The following NEXMIF variants were observed in gnomAD, a reference collection of about 807,000 sequenced individuals.
NEXMIF encodes the protein neurite extension and migration factor.
Under a neutral mutation model 62.1 loss-of-function variants are expected in NEXMIF, and 8 were observed. The ratio of observed to expected loss-of-function variants is 0.13; its 90% CI spans 0.08 to 0.23. NEXMIF has a LOEUF of 0.23. NEXMIF is among the 10% of genes least tolerant of loss of function. The probability of loss-of-function intolerance (pLI) is 1.00; values close to 1 mark genes in which losing one functional copy is unlikely to be tolerated. For missense variants in NEXMIF, 976 were observed against 1,113.3 expected (o/e 0.88, Z 1.75); for synonymous variants, 404 against 416.6 (o/e 0.97, Z 0.37).
chrX:74,796,156 TATATA>T (rs1157199759), intron 1 of NEXMIF, among the ~76,000 whole-genome samples: 2 of 54,870 alleles, frequency 3.6e-5, no homozygotes, highest in African/African-American at 1.2e-4. Flanking sequence ...TATATATACA[TATATA>T]TTATATATAT....
chrX:74,921,292 C>T (rs1030014339), intron 1 of NEXMIF, among the ~76,000 whole-genome samples: 1 of 111,030 alleles, frequency 9.0e-6, no homozygotes, highest in African/African-American at 3.3e-5. Flanking sequence ...CCATAAAAGA[C>T]TCTATCATCA....
intron 1 of NEXMIF, among the ~76,000 whole-genome samples, chrX:74,861,413 A>G (rs962856562): frequency 8.9e-5 from 10 of 112,029 alleles, no homozygotes; most frequent in African/African-American, 3.2e-4. Flanking sequence ...AATAAGTTGG[A>G]AAACATACTA....
chrX:74,798,669 C>A (rs754144650), intron 1 of NEXMIF, among the ~76,000 whole-genome samples: 9 of 111,860 alleles, frequency 8.0e-5, no homozygotes, highest in African/African-American at 2.6e-4. Context: ...AGAGTATAGG[C>A]CTTTTATTTT....
In NEXMIF at chrX:74,792,989, T is replaced by G. The variant is rs1392426164; in HGVS notation, c.-47-47292A>C. ...AGTCCATTTACGTTTAAAGTTAATA[T>G]TGTTATGTGTGAATTTGATCCTGTC... On this transcript the variant is annotated intron_variant, in intron 1 of 3. Transcript: ENST00000055682. Among the ~76,000 whole-genome samples the G allele has an allele frequency of 4.2e-3, 455 of 108,215 alleles. 1 individual carries two copies. The highest frequency in any genetic ancestry group is 0.015 in the African/African-American group (440 of 29,614). 94.0% of individuals were successfully genotyped at this position (108,215 alleles called of 115,157 possible).
At chrX:74,902,481 C>CA (rs1279521013) in intron 1 of NEXMIF, among the ~76,000 whole-genome samples, 1 of 110,396 alleles carries the variant, frequency 9.1e-6, no homozygotes, top group Non-Finnish European at 1.9e-5. Context: ...TTGGGTCTTA[C>CA]AAAAAAAGGT....
chrX:74,767,659 C>T (rs749407568), intron 1 of NEXMIF, among the ~76,000 whole-genome samples: 6 of 111,439 alleles, frequency 5.4e-5, no homozygotes, highest in Non-Finnish European at 1.1e-4. Flanking sequence ...TGGAAAACCC[C>T]GGCAAGTGTG....
At chrX:74,775,910 C>G (rs575429089) in intron 1 of NEXMIF, among the ~76,000 whole-genome samples, 2 of 111,911 alleles carry the variant, frequency 1.8e-5, no homozygotes, top group South Asian at 7.6e-4. Context: ...GATCTCCAAA[C>G]ATTTAATTGC....
chrX:74,916,773 T>C (rs1283565518), intron 1 of NEXMIF, among the ~76,000 whole-genome samples: 1 of 111,892 alleles, frequency 8.9e-6, no homozygotes, highest in Admixed American at 9.5e-5. Context: ...GGGTAGAACA[T>C]AGAAACAATA....
intron 1 of NEXMIF, among the ~76,000 whole-genome samples, chrX:74,910,515 G>C (rs774029412): frequency 8.9e-6 from 1 of 111,897 alleles, no homozygotes; most frequent in African/African-American, 3.2e-5. Flanking sequence ...GAAGGGACTT[G>C]CCTTGTCTTA....
rs180882053 is a variant in NEXMIF, at chrX:74,778,187, G to A, written c.-47-32490C>T. ...TAAAACCTCACCCCAAAGTGAACATGAAATGCATGCTACATACATGTTTAC... is the reference window on the plus strand; with the variant it reads ...TAAAACCTCACCCCAAAGTGAACATAAAATGCATGCTACATACATGTTTAC... On this transcript the variant is annotated intron_variant, in intron 1 of 3. Transcript: ENST00000055682. 7.4e-3 allele frequency among the ~76,000 whole-genome samples: 824 copies of A among 111,838 alleles called. 4 individuals carry two copies. The highest frequency in any genetic ancestry group is 0.013 in the Non-Finnish European group (687 of 53,154).
intron 1 of NEXMIF, among the ~76,000 whole-genome samples, chrX:74,878,685 C>A (rs1411898664): frequency 1.8e-5 from 2 of 112,840 alleles, no homozygotes; most frequent in Admixed American, 9.3e-5. Flanking sequence ...AGGATAGAAT[C>A]TCCTGATGCG....
chrX:74,873,513 G>A (rs1283661293), intron 1 of NEXMIF, among the ~76,000 whole-genome samples: 4 of 111,842 alleles, frequency 3.6e-5, no homozygotes, highest in African/African-American at 6.5e-5. Context: ...CCCAGTAATG[G>A]GATGGCTGGG....
At chrX:74,786,326 T>C (rs755009330) in intron 1 of NEXMIF, among the ~76,000 whole-genome samples, 2 of 111,808 alleles carry the variant, frequency 1.8e-5, no homozygotes, top group African/African-American at 6.5e-5. Context: ...GGTTGTACAG[T>C]GTAGTGTGGA....
At chrX:74,888,877 A>T (rs937166738) in intron 1 of NEXMIF, among the ~76,000 whole-genome samples, 8 of 111,683 alleles carry the variant, frequency 7.2e-5, no homozygotes, top group Admixed American at 4.8e-4. Context: ...TCAGTTTTCA[A>T]AAAGTAGCAG....
chrX:74,798,815 T>C (rs1413393537), intron 1 of NEXMIF, among the ~76,000 whole-genome samples: 2 of 108,519 alleles, frequency 1.8e-5, no homozygotes, highest in East Asian at 5.8e-4. Context: ...GTAAAGAGAA[T>C]AATACAGAAA....
chrX:74,909,419 G>A (rs993092004), intron 1 of NEXMIF, among the ~76,000 whole-genome samples: 1 of 111,907 alleles, frequency 8.9e-6, no homozygotes, highest in African/African-American at 3.3e-5. Flanking sequence ...TTGAACTTGA[G>A]CAAAATGATT....
chrX:74,795,400 T>C (rs2080303152), intron 1 of NEXMIF, among the ~76,000 whole-genome samples: 1 of 112,515 alleles, frequency 8.9e-6, no homozygotes, highest in Non-Finnish European at 1.9e-5. Context: ...TGAATGAGTC[T>C]TAAATGCATT....
chrX:74,845,995 T>C (rs1446621848), intron 1 of NEXMIF, among the ~76,000 whole-genome samples: 7 of 112,112 alleles, frequency 6.2e-5, no homozygotes, highest in Non-Finnish European at 1.3e-4. Flanking sequence ...TGCTTACTTA[T>C]TGTGTTTTCA....
At chrX:74,796,184 TATATA>T in intron 1 of NEXMIF, among the ~76,000 whole-genome samples, 2 of 71,567 alleles carry the variant, frequency 2.8e-5, no homozygotes, top group Admixed American at 2.2e-4. Flanking sequence ...TATATATACA[TATATA>T]TTATATATAT....
Sources: gnomAD v4.1 joint callset for allele counts (sites outside exome capture counted in the v4.1 genomes callset) on GRCh38, gnomAD v4.1.1 for gene constraint, MANE v1.5 for transcripts, NCBI Gene and HGNC (gene_info 2026-07-23, HGNC 2026-07-21) for gene names.